Variants in AOX1 observed in about 807,000 individuals in gnomAD.
AOX1 encodes aldehyde oxidase.
AOX1 carries 153 observed loss-of-function variants against 169.5 expected under a neutral mutation model. The observed-to-expected ratio is 0.90, with a 90% confidence interval of 0.79 to 1.03. AOX1 has a LOEUF of 1.03. AOX1 is among the 50% of genes least tolerant of loss of function. The probability of loss-of-function intolerance (pLI) is 0.00; values close to 1 mark genes in which losing one functional copy is unlikely to be tolerated. For missense variants in AOX1, 1,656 were observed against 1,663.9 expected, an observed-to-expected ratio of 1.00 and a Z score of 0.08; for synonymous variants, 562 against 581.9, an observed-to-expected ratio of 0.97 and a Z score of 0.49.
At position 200,604,776 on chromosome 2, in the gene AOX1, G is replaced by A; in HGVS notation, c.750G>A (p.Lys250=). Residue 250 remains lysine, a synonymous_variant, in exon 9 of 35, where the codon AAG becomes AAA. Transcript: ENST00000374700. The part of the protein sequence containing the change: ...RMMWFSPVTL[K]ELLEFKFKYP... ...TGTGGTTTTCCCCCGTGACCCTGAA[G>A]GAACTGCTGGAATTTAAATTCAAGT... 2.5e-6 allele frequency: 4 copies of A among 1,614,008 alleles called. No individual in the cohort carries two copies. The highest frequency in any genetic ancestry group is 3.4e-6 in the Non-Finnish European group (4 of 1,179,986).
At chr2:200,594,683 T>A (rs2034242850) in intron 2 of AOX1, among the ~76,000 whole-genome samples, 1 of 152,190 alleles carries the variant, frequency 6.6e-6, no homozygotes, top group African/African-American at 2.4e-5. Flanking sequence ...GTAGCCAGCA[T>A]TGTTAATGAC....
chr2:200,586,053 A>C lies in AOX1; in HGVS notation c.-56A>C. The C allele has an allele frequency of 6.5e-7, 1 of 1,543,956 alleles. No individual in the cohort carries two copies. The highest frequency in any genetic ancestry group is 2.0e-5 in the Admixed American group (1 of 50,968). On this transcript the variant is annotated 5_prime_UTR_variant, in exon 1 of 35. Transcript: ENST00000374700. Reference sequence around the variant, plus strand: ...TGCCGCCGGGTCCCAGGTGCCCGCTACTTCCCAGAACCTCCGCCTCCCGCT... The same window carrying C: ...TGCCGCCGGGTCCCAGGTGCCCGCTCCTTCCCAGAACCTCCGCCTCCCGCT...
intron 1 of AOX1, among the ~76,000 whole-genome samples, chr2:200,591,279 A>AG (rs2034166463): frequency 6.6e-6 from 1 of 152,250 alleles, no homozygotes; most frequent in African/African-American, 2.4e-5. Context: ...CAGTGTAAAA[A>AG]GTGTCATAAA....
chr2:200,641,623 G>T (rs1031193486), intron 24 of AOX1, among the ~76,000 whole-genome samples: 2 of 152,032 alleles, frequency 1.3e-5, no homozygotes, highest in African/African-American at 2.4e-5. Context: ...TAGTGCGGTG[G>T]CTCAAGCGAT....
intron 18 of AOX1, among the ~76,000 whole-genome samples, chr2:200,622,818 C>T (rs1262914956): frequency 1.3e-5 from 2 of 152,102 alleles, no homozygotes; most frequent in East Asian, 1.9e-4. Flanking sequence ...TCATTTATGG[C>T]ACTTAATGGC....
intron 20 of AOX1, among the ~76,000 whole-genome samples, chr2:200,634,164 A>ATTTTTTT (rs58341876): frequency 6.7e-3 from 570 of 84,974 alleles, no homozygotes; most frequent in South Asian, 7.6e-3. Flanking sequence ...TTTCTTGAGG[A>ATTTTTTT]TTTTTTTTTT....
chr2:200,612,608 G>A lies in AOX1; in HGVS notation c.1264-1G>A, dbSNP rs777743902. 1.9e-6 allele frequency: 3 copies of A among 1,613,158 alleles called. No individual in the cohort carries two copies. Among genetic ancestry groups the A allele is most frequent in the South Asian group, 2.2e-5 (2 of 90,988 alleles). On this transcript the variant is annotated splice_acceptor_variant, in intron 13 of 34. Transcript: ENST00000374700. LOFTEE classifies it high-confidence loss of function. The stretch of plus-strand genomic sequence containing the variant: ...ATGTGCCACTTAACTGTTTCTTTCA[G>A]TGGGAATTTGTGTCAGCCTTCCGAC...
chr2:200,627,281 A>G (rs2035024839), intron 19 of AOX1, 72 bp from the exon 20 acceptor site: 3 of 932,338 alleles, frequency 3.2e-6, no homozygotes, highest in African/African-American at 1.6e-5. Flanking sequence ...GAGGATGTGC[A>G]GTGGGGTGTG....
At chr2:200,671,536 G>A (rs36046548), downstream of AOX1, 2 of 152,072 alleles carry the variant, frequency 1.3e-5, no homozygotes, top group African/African-American at 4.8e-5. Flanking sequence ...TATATAAATG[G>A]CTAGTAAGCA....
In AOX1 at chr2:200,621,094, G is replaced by T. The variant is rs777930286; in HGVS notation, c.1875-26G>T. 4 of 1,597,850 alleles carry T rather than the reference G, an allele frequency of 2.5e-6. No homozygotes were observed. In the South Asian group the frequency reaches 4.6e-5, roughly 18 times the overall value. ...TTCTTGGCCTCTATGGCCACTCTAA[G>T]GAGCTCTGCTGTGTATATCATCTAG... On this transcript the variant is annotated intron_variant, in intron 17 of 34. Coordinates refer to ENST00000374700, the MANE Select transcript of AOX1 (RefSeq NM_001159.4).
intron 23 of AOX1, among the ~76,000 whole-genome samples, chr2:200,639,743 C>T (rs1372783618): frequency 1.3e-5 from 2 of 151,870 alleles, no homozygotes; most frequent in Non-Finnish European, 2.9e-5. Flanking sequence ...GATAGGTCTT[C>T]AAGAATGGAG....
intron 16 of AOX1, among the ~76,000 whole-genome samples, chr2:200,617,977 C>A (rs927676898): frequency 6.6e-6 from 1 of 152,088 alleles, no homozygotes; most frequent in Non-Finnish European, 1.5e-5. Flanking sequence ...AAGAGGAGAA[C>A]TGAGGGGATT....
intron 6 of AOX1, 92 bp from the exon 7 acceptor site, chr2:200,603,175 C>T: frequency 1.0e-6 from 1 of 959,846 alleles, no homozygotes; most frequent in South Asian, 1.4e-5. Context: ...GATATTGATT[C>T]AGCATTATGT....
chr2:200,641,990 A>G (rs7420798), intron 24 of AOX1, among the ~76,000 whole-genome samples: 60,969 of 151,864 alleles, frequency 0.4, 13,637 homozygotes, highest in East Asian at 0.8. Flanking sequence ...AAAGCCGGGT[A>G]TGGTGGCACA....
At chr2:200,594,120 A>G (rs577290492) in intron 2 of AOX1, among the ~76,000 whole-genome samples, 1 of 152,290 alleles carries the variant, frequency 6.6e-6, no homozygotes, top group Admixed American at 6.5e-5. Flanking sequence ...AGTGAATCAG[A>G]GGAGACTTAG....
chr2:200,667,047 G>A (rs1487400767), intron 32 of AOX1, among the ~76,000 whole-genome samples: 1 of 152,200 alleles, frequency 6.6e-6, no homozygotes, highest in Admixed American at 6.5e-5. Context: ...CATAAATAGA[G>A]TTAGTGCCCA....
intron 16 of AOX1, among the ~76,000 whole-genome samples, chr2:200,618,045 C>T (rs1051770878): frequency 1.3e-5 from 2 of 152,152 alleles, no homozygotes; most frequent in African/African-American, 4.8e-5. Flanking sequence ...AGTGTTGGGA[C>T]TGTCTCCAAT....
In AOX1 at chr2:200,586,058, C is replaced by A; in HGVS notation, c.-51C>A. On this transcript the variant is annotated 5_prime_UTR_variant, in exon 1 of 35. Coordinates refer to ENST00000374700, the MANE Select transcript of AOX1 (RefSeq NM_001159.4). Reference sequence around the variant, plus strand: ...CCGGGTCCCAGGTGCCCGCTACTTCCCAGAACCTCCGCCTCCCGCTCCGGG... The same window carrying A: ...CCGGGTCCCAGGTGCCCGCTACTTCACAGAACCTCCGCCTCCCGCTCCGGG... 3.9e-6 allele frequency: 6 copies of A among 1,546,100 alleles called. No individual in the cohort carries two copies. The highest frequency in any genetic ancestry group is 5.2e-6 in the Non-Finnish European group (6 of 1,146,304).
chr2:200,616,343 G>T (rs2034758415), intron 16 of AOX1, among the ~76,000 whole-genome samples: 2 of 152,234 alleles, frequency 1.3e-5, no homozygotes, highest in Non-Finnish European at 2.9e-5. Context: ...GCATGAGATG[G>T]CCACCTTGTC....
Sources: gnomAD v4.1 joint callset for allele counts (sites outside exome capture counted in the v4.1 genomes callset) on GRCh38, gnomAD v4.1.1 for gene constraint, MANE v1.5 for transcripts, NCBI Gene and HGNC (gene_info 2026-07-23, HGNC 2026-07-21) for gene names.